Variants in CSTF3 observed in about 807,000 individuals in gnomAD.
CSTF3 encodes the protein CF-1 77 kDa subunit.
Under a neutral mutation model 105.8 loss-of-function variants are expected in CSTF3, and 29 were observed. That is an observed-to-expected ratio of 0.27 (90% CI 0.20 to 0.37). The LOEUF (loss-of-function observed/expected upper bound fraction) is 0.37. Ranked by LOEUF, CSTF3 falls within the 10% of genes least tolerant of loss-of-function variation. The probability of loss-of-function intolerance (pLI) is 1.00; values close to 1 mark genes in which losing one functional copy is unlikely to be tolerated. For missense variants in CSTF3, 357 were observed against 879.3 expected (o/e 0.41, Z 7.51); for synonymous variants, 252 against 281.9 (o/e 0.89, Z 1.06).
At chr11:33,089,533 C>T (rs1855145296) in intron 17 of CSTF3, among the ~76,000 whole-genome samples, 1 of 152,154 alleles carries the variant, frequency 6.6e-6, no homozygotes, top group African/African-American at 2.4e-5. Context: ...CTTAAACTAT[C>T]TTTGACTTTT....
intron 3 of CSTF3, among the ~76,000 whole-genome samples, chr11:33,129,138 C>T (rs444575): frequency 0.55 from 83,194 of 152,082 alleles, 25,259 homozygotes; most frequent in Non-Finnish European, 0.68. Flanking sequence ...GTTGCCCAGG[C>T]TGCAGTGCAG....
intron 3 of CSTF3, among the ~76,000 whole-genome samples, chr11:33,131,290 C>T (rs1019285323): frequency 6.6e-6 from 1 of 152,102 alleles, no homozygotes; most frequent in African/African-American, 2.4e-5. Flanking sequence ...TTCTCTGAAG[C>T]AATTTTATGT....
rs1199997337 is a variant in CSTF3 at position 33,085,091 on chromosome 11, C to T, written c.2150G>A (p.Arg717Gln). ...TCTGCAGAGGCGTTTAAAACCCTAC[C>T]GAATCCGCTTCTGCTGCCGTGCTCT... The part of the protein sequence containing the change: ...IYRARQQKRI[R>Q] The change falls in exon 21 of 21, where the codon CGG becomes CAG. Residue 717 changes from arginine to glutamine, a missense_variant. By Grantham distance (43) the Arg-to-Gln change is conservative. This residue lies in a region of CSTF3 where 73 missense variants were observed against 105.8 expected (regional missense o/e 0.69). Coordinates refer to ENST00000323959, the MANE Select transcript of CSTF3 (RefSeq NM_001326.3). 2.5e-6 allele frequency: 4 copies of T among 1,614,098 alleles called. No homozygotes were observed. Among genetic ancestry groups the T allele is most frequent in the Non-Finnish European group, 2.5e-6 (3 of 1,180,010 alleles).
chr11:33,149,708 A>AC (rs1565020100), intron 1 of CSTF3, among the ~76,000 whole-genome samples: 2 of 152,022 alleles, frequency 1.3e-5, no homozygotes, highest in Non-Finnish European at 1.5e-5. Context: ...AAATGGTGAA[A>AC]CCCCATCTCT....
At chr11:33,109,728 G>A (rs544228749) in intron 3 of CSTF3, among the ~76,000 whole-genome samples, 21 of 152,260 alleles carry the variant, frequency 1.4e-4, no homozygotes, top group African/African-American at 4.8e-4. Context: ...AATCTGCTTG[G>A]AACTCAGCAT....
chr11:33,156,633 C>T (rs1849869656), intron 1 of CSTF3: 4 of 441,878 alleles, frequency 9.1e-6, no homozygotes, highest in Non-Finnish European at 1.8e-5. Flanking sequence ...GATCATTTGG[C>T]TTGTATTTTA....
chr11:33,098,542 TGTG>T (rs1370652222), intron 13 of CSTF3, 145 bp downstream of exon 13: 2 of 540,554 alleles, frequency 3.7e-6, no homozygotes, highest in Non-Finnish European at 3.2e-6. Context: ...CTATCTTAAT[TGTG>T]GTGGGGATCC....
Position 33,148,773 on chromosome 11 carries a change from T to C in CSTF3, c.28-6787A>G, listed in dbSNP as rs181974812. ...TCTTTCTGCAGTCTAGTGAAACCTA[T>C]GAGCCTTTTCTCAGAATAATATTCT... On this transcript the variant is annotated intron_variant, in intron 1 of 20. Coordinates refer to ENST00000323959, the MANE Select transcript of CSTF3 (RefSeq NM_001326.3). 2.0e-5 allele frequency among the ~76,000 whole-genome samples: 3 copies of C among 152,026 alleles called. No homozygotes were observed. The East Asian group carries it at 5.8e-4, about 29-fold the overall frequency.
At chr11:33,135,116 ACTGT>A (rs1855639215) in intron 3 of CSTF3, among the ~76,000 whole-genome samples, 1 of 152,134 alleles carries the variant, frequency 6.6e-6, no homozygotes, top group African/African-American at 2.4e-5. Flanking sequence ...CACTCATGTG[ACTGT>A]CTTTTTTAAA....
At chr11:33,157,521 T>C (rs1190789306) in intron 1 of CSTF3, among the ~76,000 whole-genome samples, 8 of 152,160 alleles carry the variant, frequency 5.3e-5, no homozygotes, top group Non-Finnish European at 4.4e-5. Flanking sequence ...GAAGAGATCC[T>C]TGAACACTAT....
chr11:33,139,301 A>G (rs1249559719), intron 3 of CSTF3, among the ~76,000 whole-genome samples: 1 of 151,954 alleles, frequency 6.6e-6, no homozygotes, highest in Non-Finnish European at 1.5e-5. Flanking sequence ...ATATAAAGAA[A>G]TGAACATTAC....
intron 3 of CSTF3, 50 bp downstream of exon 3, chr11:33,141,615 TAC>T (rs1476792974): frequency 1.3e-5 from 21 of 1,558,774 alleles, no homozygotes; most frequent in Admixed American, 2.0e-5. Context: ...TTTCTATCAC[TAC>T]AGTGAATGCT....
At chr11:33,147,670 T>C (rs1021824005) in intron 1 of CSTF3, among the ~76,000 whole-genome samples, 6 of 151,900 alleles carry the variant, frequency 3.9e-5, no homozygotes, top group East Asian at 1.9e-4. Flanking sequence ...AAAACTGATA[T>C]GGGAACCAAA....
At chr11:33,127,187 A>T (rs16923854) in intron 3 of CSTF3, among the ~76,000 whole-genome samples, 16,009 of 152,208 alleles carry the variant, frequency 0.11, 2,048 homozygotes, top group African/African-American at 0.3. Context: ...TATCATGCAG[A>T]CATTATGCAC....
intron 3 of CSTF3, among the ~76,000 whole-genome samples, chr11:33,138,713 A>C (rs1855679630): frequency 2.0e-5 from 3 of 151,870 alleles, no homozygotes; most frequent in Non-Finnish European, 4.4e-5. Context: ...ACAATTAATG[A>C]CTTGCTCATC....
At chr11:33,158,796 A>T (rs1565023586) in intron 1 of CSTF3, among the ~76,000 whole-genome samples, 1 of 152,248 alleles carries the variant, frequency 6.6e-6, no homozygotes, top group Admixed American at 6.5e-5. Context: ...GGGACAAGTT[A>T]AATGACATCA....
intron 3 of CSTF3, among the ~76,000 whole-genome samples, chr11:33,118,944 A>C (rs1855460511): frequency 6.6e-6 from 1 of 151,848 alleles, no homozygotes; most frequent in Non-Finnish European, 1.5e-5. Context: ...TTAAAATATT[A>C]AACAATATAA....
At chr11:33,151,853 C>T (rs942518001) in intron 1 of CSTF3, among the ~76,000 whole-genome samples, 8 of 152,176 alleles carry the variant, frequency 5.3e-5, no homozygotes, top group African/African-American at 1.9e-4. Flanking sequence ...TCCTTACCAA[C>T]ATTTGATATT....
At chr11:33,098,862 T>A in intron 12 of CSTF3, 98 bp from the exon 13 acceptor site, 1 of 1,248,750 alleles carries the variant, frequency 8.0e-7, no homozygotes, top group Non-Finnish European at 1.1e-6. Flanking sequence ...CCACCCCCAA[T>A]GGCATCTCCA....
Sources: allele counts gnomAD v4.1 joint callset (sites outside exome capture counted in the v4.1 genomes callset), GRCh38; gene constraint gnomAD v4.1.1; regional missense constraint gnomAD v4.1.1; transcripts MANE v1.5; gene names NCBI Gene and HGNC (gene_info 2026-07-23, HGNC 2026-07-21).